PDXDC1: variants seen among roughly 807,000 people sequenced by gnomAD.
PDXDC1 encodes the protein pyridoxal-dependent decarboxylase domain-containing protein 1.
Under a neutral mutation model 100.1 loss-of-function variants are expected in PDXDC1, and 42 were observed. The ratio of observed to expected loss-of-function variants is 0.42; its 90% CI spans 0.33 to 0.54. The LOEUF (loss-of-function observed/expected upper bound fraction) is 0.54, where lower values mean the gene tolerates loss of function less well. Ranked by LOEUF, PDXDC1 falls within the 20% of genes least tolerant of loss-of-function variation. The pLI is 0.10. For missense variants in PDXDC1, 636 were observed against 979.2 expected (o/e 0.65, Z 4.68); for synonymous variants, 260 against 371.7 (o/e 0.70, Z 3.46).
At chr16:15,055,813 T>G (rs1222903234) in intron 16 of PDXDC1, 5 of 772,346 alleles carry the variant, frequency 6.5e-6, no homozygotes, top group Non-Finnish European at 8.8e-6. Context: ...CAAGTCTGTG[T>G]CGCGTGAGGG....
intron 16 of PDXDC1, chr16:15,110,797 G>A (rs904395604): frequency 1.3e-6 from 2 of 1,582,956 alleles, no homozygotes; most frequent in African/African-American, 2.7e-5. Flanking sequence ...TTTTGAGACG[G>A]GAAGATAGTC....
intron 16 of PDXDC1, chr16:15,047,363 C>T (rs2044116686): frequency 1.1e-5 from 10 of 949,656 alleles, no homozygotes; most frequent in Non-Finnish European, 1.7e-5. Flanking sequence ...CTGTGTTCCC[C>T]TAACAGCTTC....
At chr16:15,135,169 C>G (rs1336302438) in intron 16 of PDXDC1, 8 of 860,752 alleles carry the variant, frequency 9.3e-6, no homozygotes, top group African/African-American at 1.7e-5. Flanking sequence ...GCATCAGAAA[C>G]AGAGAGGGAA....
intron 3 of PDXDC1, among the ~76,000 whole-genome samples, chr16:15,000,287 C>T (rs1972862869): frequency 6.6e-6 from 1 of 152,288 alleles, no homozygotes; most frequent in South Asian, 2.1e-4. Context: ...AGACTAGTAA[C>T]ATGCCAGGCA....
intron 16 of PDXDC1, among the ~76,000 whole-genome samples, chr16:15,077,952 G>A (rs1289586078): frequency 6.6e-6 from 1 of 152,180 alleles, no homozygotes; most frequent in Non-Finnish European, 1.5e-5. Context: ...CAGACACATT[G>A]TGTAATAAAC....
chr16:15,026,285 C>T, intron 13 of PDXDC1: 1 of 310,892 alleles, frequency 3.2e-6, no homozygotes, highest in Non-Finnish European at 5.6e-6. Context: ...TTCTGGGATT[C>T]TTGAAAGCAT....
chr16:15,143,386 C>G (rs993600499), downstream of PDXDC1, among the ~76,000 whole-genome samples: 2 of 152,228 alleles, frequency 1.3e-5, no homozygotes, highest in African/African-American at 4.8e-5. Context: ...GGGCCACGTC[C>G]CAGGGCTGTG....
At chr16:14,998,021 ATAC>A (rs1288607572) in intron 2 of PDXDC1, among the ~76,000 whole-genome samples, 195 bp downstream of exon 2, 1 of 152,284 alleles carries the variant, frequency 6.6e-6, no homozygotes, top group African/African-American at 2.4e-5. Context: ...GGAAAGACTT[ATAC>A]TATTTAATTC....
chr16:15,057,567 A>G (rs1448827367), intron 16 of PDXDC1, among the ~76,000 whole-genome samples: 1 of 152,240 alleles, frequency 6.6e-6, no homozygotes, highest in African/African-American at 2.4e-5. Flanking sequence ...TGCAGGTGAC[A>G]TTAAGTAAGT....
intron 16 of PDXDC1, among the ~76,000 whole-genome samples, chr16:15,132,367 G>A (rs1403295436): frequency 1.1e-4 from 2 of 17,462 alleles, no homozygotes; most frequent in South Asian, 5.7e-3. Flanking sequence ...GGAGGGGCAA[G>A]GGGAGGGAGG....
chr16:15,077,779 T>A (rs1026422265), intron 16 of PDXDC1, among the ~76,000 whole-genome samples: 1 of 152,156 alleles, frequency 6.6e-6, no homozygotes, highest in Non-Finnish European at 1.5e-5. Context: ...AGGTGGAGGT[T>A]GCAGTGAGCC....
intron 12 of PDXDC1, among the ~76,000 whole-genome samples, chr16:15,022,072 C>T (rs1322558353): frequency 6.6e-6 from 1 of 152,300 alleles, no homozygotes; most frequent in African/African-American, 2.4e-5. Flanking sequence ...TTAATATACT[C>T]CAATCCCATG....
intron 16 of PDXDC1, chr16:15,127,349 C>T (rs1439040974): frequency 9.8e-6 from 7 of 710,784 alleles, no homozygotes; most frequent in South Asian, 4.5e-5. Flanking sequence ...TGACCCTTCC[C>T]GAGCAGCCTT....
chr16:15,019,970 G>A (rs1234573713), intron 12 of PDXDC1, among the ~76,000 whole-genome samples: 1 of 152,218 alleles, frequency 6.6e-6, no homozygotes, highest in Non-Finnish European at 1.5e-5. Context: ...AAATTAGCTG[G>A]GCGTGGTGGC....
the PDXDC1 span, among the ~76,000 whole-genome samples, chr16:15,146,205 A>C: frequency 1.3e-5 from 2 of 152,150 alleles, no homozygotes; most frequent in African/African-American, 4.8e-5. Context: ...AGGCCCTCAC[A>C]GAGATGCCCT....
chr16:15,030,923 C>T (rs1219875366), intron 16 of PDXDC1, among the ~76,000 whole-genome samples: 4 of 151,888 alleles, frequency 2.6e-5, no homozygotes, highest in Non-Finnish European at 1.5e-5. Flanking sequence ...CCCAGAGATT[C>T]TAGAATGGAG....
chr16:15,087,643 A>G (rs1307113075), intron 16 of PDXDC1, among the ~76,000 whole-genome samples: 1 of 152,214 alleles, frequency 6.6e-6, no homozygotes, highest in Non-Finnish European at 1.5e-5. Context: ...CATTTGTACT[A>G]TGGTAATTTC....
chr16:15,130,241 G>C (rs1417887759), intron 16 of PDXDC1: 24 of 1,549,140 alleles, frequency 1.5e-5, no homozygotes, highest in African/African-American at 2.7e-5. Context: ...GCACGAAGAG[G>C]CTGGCGCCGA....
intron 16 of PDXDC1, chr16:15,085,555 T>G (rs2045882986): frequency 1.7e-5 from 26 of 1,567,602 alleles, no homozygotes; most frequent in Non-Finnish European, 2.3e-5. Context: ...TGGCCTCAAG[T>G]GATCCTCCCG....
Sources: gnomAD v4.1 joint callset for allele counts (sites outside exome capture counted in the v4.1 genomes callset) on GRCh38, gnomAD v4.1.1 for gene constraint, MANE v1.5 for transcripts, NCBI Gene and HGNC (gene_info 2026-07-23, HGNC 2026-07-21) for gene names.